PEBP4: variants seen among roughly 807,000 people sequenced by gnomAD.
PEBP4 encodes the protein phosphatidylethanolamine binding protein 4, also known as phosphatidylethanolamine-binding protein 4.
A neutral mutation model predicts 23.9 loss-of-function variants in PEBP4; 22 were observed. The ratio of observed to expected loss-of-function variants is 0.92; its 90% CI spans 0.66 to 1.31. PEBP4 has a LOEUF of 1.31. PEBP4 is among the 40% of genes most tolerant of loss of function. The pLI is 0.00. For synonymous variants in PEBP4, 112 were observed against 99.3 expected (o/e 1.13, Z -0.76); for missense variants, 324 against 281.7 (o/e 1.15, Z -1.07).
At chr8:22,823,591 T>C (rs1009565840) in intron 3 of PEBP4, among the ~76,000 whole-genome samples, 1 of 151,712 alleles carries the variant, frequency 6.6e-6, no homozygotes, top group Non-Finnish European at 1.5e-5. Flanking sequence ...ATAGAAAATG[T>C]CTGAAAAAAT....
chr8:22,717,839 C>T (rs1804445676), intron 6 of PEBP4, among the ~76,000 whole-genome samples: 1 of 152,164 alleles, frequency 6.6e-6, no homozygotes, highest in Non-Finnish European at 1.5e-5. Flanking sequence ...AGCCTAATAA[C>T]CGCCCCACAG....
intron 3 of PEBP4, among the ~76,000 whole-genome samples, chr8:22,897,107 G>A (rs1032331257): frequency 2.0e-5 from 3 of 152,018 alleles, no homozygotes; most frequent in Non-Finnish European, 2.9e-5. Flanking sequence ...AGGTGGGAAA[G>A]ATTTTTTTGA....
upstream of PEBP4, among the ~76,000 whole-genome samples, chr8:22,929,026 C>A (rs1443124553): frequency 6.6e-6 from 1 of 152,156 alleles, no homozygotes; most frequent in Non-Finnish European, 1.5e-5. Flanking sequence ...CTCCCCCTTG[C>A]CCCAACCAGA....
intron 4 of PEBP4, among the ~76,000 whole-genome samples, chr8:22,795,177 T>A (rs1487894845): frequency 0.028 from 2,135 of 75,046 alleles, 78 homozygotes; most frequent in African/African-American, 0.059. Context: ...TTTTTTTTTT[T>A]TTTTTTTTTT....
chr8:22,874,837 T>G (rs1279389109), intron 3 of PEBP4, among the ~76,000 whole-genome samples: 1 of 152,256 alleles, frequency 6.6e-6, no homozygotes, highest in African/African-American at 2.4e-5. Context: ...TACCATTTCT[T>G]AGATTCCGGG....
At chr8:22,755,352 T>C (rs949235149) in intron 4 of PEBP4, among the ~76,000 whole-genome samples, 1 of 124,404 alleles carries the variant, frequency 8.0e-6, no homozygotes, top group Non-Finnish European at 1.8e-5. Context: ...TTTTTTTTTT[T>C]TGAGACGGAG....
chr8:22,753,651 T>C (rs1398758008), intron 4 of PEBP4, among the ~76,000 whole-genome samples: 1 of 152,146 alleles, frequency 6.6e-6, no homozygotes, highest in Non-Finnish European at 1.5e-5. Context: ...TTAGGCAAAG[T>C]CTCCACCTTG....
chr8:22,916,590 G>A (rs7829314), intron 3 of PEBP4, among the ~76,000 whole-genome samples: 80,531 of 152,024 alleles, frequency 0.53, 21,786 homozygotes, highest in African/African-American at 0.62. Context: ...TGAAAGGGCC[G>A]ACAGTTTGGC....
upstream of PEBP4, among the ~76,000 whole-genome samples, chr8:22,929,794 G>A (rs575028841): frequency 1.1e-4 from 17 of 152,242 alleles, no homozygotes; most frequent in East Asian, 3.3e-3. Context: ...TGCAACCTCC[G>A]CCTTCTGGGC....
At chr8:22,910,662 G>T (rs576354745) in intron 3 of PEBP4, among the ~76,000 whole-genome samples, 1 of 152,216 alleles carries the variant, frequency 6.6e-6, no homozygotes, top group African/African-American at 2.4e-5. Flanking sequence ...GTGCTGGAAC[G>T]GAAGTCAGGA....
intron 4 of PEBP4, among the ~76,000 whole-genome samples, chr8:22,796,902 G>T (rs921424885): frequency 1.4e-4 from 21 of 151,560 alleles, no homozygotes; most frequent in African/African-American, 5.1e-4. Context: ...TTACACAATA[G>T]ATCCAGGCAA....
chr8:22,734,477 G>A (rs983084237), intron 4 of PEBP4, among the ~76,000 whole-genome samples: 1 of 152,178 alleles, frequency 6.6e-6, no homozygotes, highest in African/African-American at 2.4e-5. Context: ...CTCCAGAAAT[G>A]TCCATATCAA....
At chr8:22,879,984 G>C (rs1808211135) in intron 3 of PEBP4, among the ~76,000 whole-genome samples, 1 of 152,214 alleles carries the variant, frequency 6.6e-6, no homozygotes, top group Non-Finnish European at 1.5e-5. Context: ...TGTCTCCGCA[G>C]ATGAAAATAT....
At chr8:22,853,068 T>G (rs1807579003) in intron 3 of PEBP4, among the ~76,000 whole-genome samples, 1 of 152,248 alleles carries the variant, frequency 6.6e-6, no homozygotes, top group Non-Finnish European at 1.5e-5. Context: ...GCCCCCATCT[T>G]GGGCTAAAAC....
intron 4 of PEBP4, among the ~76,000 whole-genome samples, chr8:22,739,120 A>G (rs1804935075): frequency 7.1e-6 from 1 of 140,920 alleles, no homozygotes; most frequent in African/African-American, 2.6e-5. Context: ...TCTGTTACCC[A>G]CCCAGGGGGC....
intron 3 of PEBP4, among the ~76,000 whole-genome samples, chr8:22,834,952 G>T (rs536552159): frequency 1.3e-5 from 2 of 152,256 alleles, no homozygotes; most frequent in South Asian, 4.2e-4. Flanking sequence ...CAACCCCTTA[G>T]TCTCCTATGA....
intron 1 of PEBP4, among the ~76,000 whole-genome samples, chr8:22,933,787 G>A (rs905259322): frequency 1.3e-5 from 2 of 152,186 alleles, no homozygotes; most frequent in African/African-American, 4.8e-5. Context: ...AGTATTGTTG[G>A]AATTTTGGTT....
At chr8:22,894,437 C>T (rs778538800) in intron 3 of PEBP4, among the ~76,000 whole-genome samples, 10 of 151,896 alleles carry the variant, frequency 6.6e-5, no homozygotes, top group Non-Finnish European at 1.0e-4. Flanking sequence ...AAAAAAAATT[C>T]CAAGCATAGT....
intron 4 of PEBP4, among the ~76,000 whole-genome samples, chr8:22,788,323 C>G (rs572858356): frequency 1.2e-3 from 181 of 151,812 alleles, no homozygotes; most frequent in African/African-American, 4.3e-3. Flanking sequence ...AAAGAAGGAG[C>G]AGGGAAAGAC....
Sources: gnomAD v4.1 joint callset for allele counts (sites outside exome capture counted in the v4.1 genomes callset) on GRCh38, gnomAD v4.1.1 for gene constraint, MANE v1.5 for transcripts, NCBI Gene and HGNC (gene_info 2026-07-23, HGNC 2026-07-21) for gene names.